NGF: variants seen among roughly 807,000 people sequenced by gnomAD.
The protein encoded by NGF is nerve growth factor, also known as beta-nerve growth factor.
In NGF, 4 loss-of-function variants were observed where a neutral mutation model predicts 12.8. That is an observed-to-expected ratio of 0.31 (90% CI 0.15 to 0.72). The LOEUF (loss-of-function observed/expected upper bound fraction) is 0.72. NGF is among the 30% of genes least tolerant of loss of function. The pLI is 0.69. For synonymous variants in NGF, 140 were observed against 130.0 expected (o/e 1.08, Z -0.52); for missense variants, 283 against 330.8 (o/e 0.86, Z 1.12).
intron 1 of NGF, among the ~76,000 whole-genome samples, chr1:115,329,415 G>A (rs535318019): frequency 6.6e-6 from 1 of 152,272 alleles, no homozygotes; most frequent in East Asian, 1.9e-4. Context: ...CACAGAGTTG[G>A]GACTTAACCC....
At chr1:115,313,349 T>G (rs1055783644) in intron 1 of NGF, among the ~76,000 whole-genome samples, 1 of 152,228 alleles carries the variant, frequency 6.6e-6, no homozygotes, top group Non-Finnish European at 1.5e-5. Flanking sequence ...AAATGTCTTT[T>G]GCCTTGAACT....
At chr1:115,313,866 T>C (rs1654401002) in intron 1 of NGF, among the ~76,000 whole-genome samples, 1 of 152,186 alleles carries the variant, frequency 6.6e-6, no homozygotes, top group Admixed American at 6.5e-5. Context: ...TTAAGATAAA[T>C]TTGTAAAATA....
At chr1:115,337,318 G>A (rs1349841436) in intron 1 of NGF, among the ~76,000 whole-genome samples, 1 of 86,962 alleles carries the variant, frequency 1.1e-5, no homozygotes, top group African/African-American at 4.8e-5. Context: ...AAGGAGGTTT[G>A]TAATTAGAGG....
intron 1 of NGF, among the ~76,000 whole-genome samples, chr1:115,310,012 C>T (rs947205441): frequency 5.3e-5 from 8 of 152,158 alleles, no homozygotes; most frequent in African/African-American, 1.9e-4. Context: ...CCAAGTGTTC[C>T]TCAATAAAGG....
intron 1 of NGF, among the ~76,000 whole-genome samples, chr1:115,328,816 C>T (rs929212011): frequency 1.3e-5 from 2 of 152,082 alleles, no homozygotes; most frequent in African/African-American, 4.8e-5. Context: ...TCTTGTGCCC[C>T]TTGGACAATT....
At chr1:115,325,342 A>T (rs531359027) in intron 1 of NGF, among the ~76,000 whole-genome samples, 8 of 152,240 alleles carry the variant, frequency 5.3e-5, no homozygotes, top group Non-Finnish European at 1.0e-4. Context: ...CAGAACTATC[A>T]ACATTTTGGG....
At chr1:115,333,705 CTT>C (rs762578286) in intron 1 of NGF, among the ~76,000 whole-genome samples, 2 of 69,374 alleles carry the variant, frequency 2.9e-5, no homozygotes, top group African/African-American at 1.6e-4. Context: ...TTCTTTCTTT[CTT>C]TCTTTCTTTT....
At chr1:115,311,512 G>A (rs1471301406) in intron 1 of NGF, among the ~76,000 whole-genome samples, 2 of 152,288 alleles carry the variant, frequency 1.3e-5, no homozygotes, top group Middle Eastern at 3.4e-3. Context: ...TAAGGGGGTA[G>A]GAGGGGTGCT....
intron 1 of NGF, among the ~76,000 whole-genome samples, chr1:115,337,191 A>G (rs1305405993): frequency 6.6e-6 from 1 of 150,454 alleles, no homozygotes; most frequent in Non-Finnish European, 1.5e-5. Context: ...TTAATCTCTC[A>G]AATCACAAGA....
rs1049080871 is a variant in NGF at position 115,286,034 on chromosome 1, T to G, written c.*36A>C. 35 of 1,609,392 alleles carry G rather than the reference T, an allele frequency of 2.2e-5. No homozygotes were observed. The highest frequency in any genetic ancestry group is 2.9e-5 in the Non-Finnish European group (34 of 1,178,344). ...TGAGGTAGGGAGGGGCCCAGGAGAGTGTAGAAGGGGCAGGGGGAGGGAGCG... is the reference window on the plus strand; with the variant it reads ...TGAGGTAGGGAGGGGCCCAGGAGAGGGTAGAAGGGGCAGGGGGAGGGAGCG... On this transcript the variant is annotated 3_prime_UTR_variant, in exon 3 of 3. Transcript: ENST00000369512.
chr1:115,325,372 C>T (rs1160139089), intron 1 of NGF, among the ~76,000 whole-genome samples: 1 of 152,052 alleles, frequency 6.6e-6, no homozygotes, highest in African/African-American at 2.4e-5. Flanking sequence ...TTTTTTGTTG[C>T]AGGTGCTTGT....
intron 1 of NGF, among the ~76,000 whole-genome samples, chr1:115,317,185 G>A (rs1330314218): frequency 6.6e-6 from 1 of 152,082 alleles, no homozygotes; most frequent in Non-Finnish European, 1.5e-5. Context: ...CCAATGTGAT[G>A]GCGCTTGCGT....
rs1477185339 is a variant in NGF, at chr1:115,322,521, T to TC, written c.-137+15682dup. Among the ~76,000 whole-genome samples, 59 of 151,788 alleles carry TC rather than the reference T, an allele frequency of 3.9e-4. 2 individuals carry two copies. The highest frequency in any genetic ancestry group is 1.3e-4 in the Non-Finnish European group (9 of 67,916). ...GACCTTTAGGGTGGGGGCTGCACTG[T>TC]CCCCCCCTAAATTGTGAAATAGTGC... is the stretch of plus-strand genomic sequence containing the variant. On this transcript the variant is annotated intron_variant, in intron 1 of 2. Coordinates refer to ENST00000369512, the MANE Select transcript of NGF (RefSeq NM_002506.3).
chr1:115,326,353 A>T (rs1165677645), intron 1 of NGF, among the ~76,000 whole-genome samples: 1 of 152,142 alleles, frequency 6.6e-6, no homozygotes, highest in African/African-American at 2.4e-5. Flanking sequence ...CTGAACTACT[A>T]TAAGGTACTA....
chr1:115,337,267 G>GTTTGTTTTTTTTTTTTTTTTTTTTTTTTT lies in NGF; in HGVS notation c.-137+936_-137+937insAAAAAAAAAAAAAAAAAAAAAAAAACAAA. Among the ~76,000 whole-genome samples, 41 of 81,030 alleles carry GTTTGTTTTTTTTTTTTTTTTTTTTTTTTT rather than the reference G, an allele frequency of 5.1e-4. 9 individuals carry two copies. The highest frequency in any genetic ancestry group is 6.4e-4 in the African/African-American group (12 of 18,860). The allele number at this position is 81,030 out of a possible 152,430, so 53.2% of individuals were successfully genotyped here. The stretch of plus-strand genomic sequence containing the variant: ...TCGAAATTTTTTTTGTTTTGTTTTT[G>GTTTGTTTTTTTTTTTTTTTTTTTTTTTTT]TTTTTTTTTTTTTTTTTTTTTTTTT... On this transcript the variant is annotated intron_variant, in intron 1 of 2. Transcript: ENST00000369512.
At chr1:115,292,311 C>T (rs536592726) in intron 2 of NGF, among the ~76,000 whole-genome samples, 15 of 152,236 alleles carry the variant, frequency 9.9e-5, no homozygotes, top group South Asian at 2.1e-4. Context: ...CTAGAAGGTA[C>T]ATCAGAGATT....
chr1:115,304,538 T>G (rs556070176), intron 1 of NGF, among the ~76,000 whole-genome samples: 1 of 152,010 alleles, frequency 6.6e-6, no homozygotes, highest in East Asian at 1.9e-4. Flanking sequence ...GGCTCTTCCA[T>G]TTGCCTGATG....
chr1:115,329,744 C>CTTTTT (rs1039991768), intron 1 of NGF, among the ~76,000 whole-genome samples: 74 of 103,952 alleles, frequency 7.1e-4, no homozygotes, highest in African/African-American at 1.4e-3. Context: ...TTCTTTCTTT[C>CTTTTT]TTTTTTTTTT....
chr1:115,313,589 T>C (rs1448411044), intron 1 of NGF, among the ~76,000 whole-genome samples: 1 of 152,188 alleles, frequency 6.6e-6, no homozygotes, highest in African/African-American at 2.4e-5. Context: ...TCTTTTTTAG[T>C]TTAATAAATC....
Sources: gnomAD v4.1 joint callset for allele counts (sites outside exome capture counted in the v4.1 genomes callset) on GRCh38, gnomAD v4.1.1 for gene constraint, MANE v1.5 for transcripts, NCBI Gene and HGNC (gene_info 2026-07-23, HGNC 2026-07-21) for gene names.